The following EXOC2 variants were observed in gnomAD, a reference collection of about 807,000 sequenced individuals.
EXOC2 encodes exocyst complex component 2.
In EXOC2, 70 loss-of-function variants were observed where a neutral mutation model predicts 131.8. The ratio of observed to expected loss-of-function variants is 0.53; its 90% CI spans 0.44 to 0.65. The LOEUF (loss-of-function observed/expected upper bound fraction) is 0.65, where lower values mean the gene tolerates loss of function less well. EXOC2 is among the 30% of genes least tolerant of loss of function. EXOC2 has a pLI of 0.00. For missense variants in EXOC2, 923 were observed against 1,108.6 expected (o/e 0.83, Z 2.38); for synonymous variants, 411 against 398.4 (o/e 1.03, Z -0.38).
chr6:631,443 CAGG>C (rs997488706), intron 3 of EXOC2, among the ~76,000 whole-genome samples: 2 of 151,962 alleles, frequency 1.3e-5, no homozygotes, highest in Admixed American at 1.3e-4. Context: ...GAGGCTGAGG[CAGG>C]AGAATTGCTT....
At chr6:583,396 T>C (rs1759022549) in intron 11 of EXOC2, among the ~76,000 whole-genome samples, 1 of 152,184 alleles carries the variant, frequency 6.6e-6, no homozygotes, top group Admixed American at 6.5e-5. Flanking sequence ...CAATCACAAA[T>C]TGACAAGGTC....
At chr6:659,429 T>C (rs1434976057) in intron 1 of EXOC2, among the ~76,000 whole-genome samples, 6 of 152,152 alleles carry the variant, frequency 3.9e-5, no homozygotes, top group African/African-American at 1.4e-4. Context: ...AAGGCTCGCA[T>C]TGTGAATTTT....
At chr6:584,018 A>C (rs1037397393) in intron 11 of EXOC2, among the ~76,000 whole-genome samples, 2 of 152,246 alleles carry the variant, frequency 1.3e-5, no homozygotes, top group African/African-American at 4.8e-5. Flanking sequence ...AAATCTCTAG[A>C]AAATTAACTC....
chr6:559,423 TA>T (rs1757585750), intron 17 of EXOC2, among the ~76,000 whole-genome samples: 1 of 152,188 alleles, frequency 6.6e-6, no homozygotes, highest in Non-Finnish European at 1.5e-5. Context: ...GCGGAATAGC[TA>T]AAAAACTGAC....
At chr6:612,195 C>G (rs568081116) in intron 6 of EXOC2, among the ~76,000 whole-genome samples, 2 of 152,332 alleles carry the variant, frequency 1.3e-5, no homozygotes, top group Admixed American at 6.5e-5. Flanking sequence ...AAGAACCAAA[C>G]AGTCAACACT....
intron 20 of EXOC2, 61 bp from the exon 21 acceptor site, chr6:553,981 G>A: frequency 7.9e-7 from 1 of 1,270,054 alleles, no homozygotes; most frequent in East Asian, 2.3e-5. Flanking sequence ...AAAATGCAAT[G>A]AACTATACGC....
At chr6:617,962 C>T (rs539404943) in intron 5 of EXOC2, 127 bp from the exon 6 acceptor site, 29 of 1,094,082 alleles carry the variant, frequency 2.7e-5, no homozygotes, top group South Asian at 2.4e-4. Context: ...TAATATCATA[C>T]GAAGCCAGAT....
At chr6:687,753 G>A (rs2039713) in intron 1 of EXOC2, among the ~76,000 whole-genome samples, 34 of 152,178 alleles carry the variant, frequency 2.2e-4, no homozygotes, top group African/African-American at 8.0e-4. Context: ...TGGCCTTCAG[G>A]AGAGTGATCG....
intron 22 of EXOC2, among the ~76,000 whole-genome samples, chr6:544,445 A>G (rs2982491): frequency 0.19 from 29,351 of 152,186 alleles, 3,834 homozygotes; most frequent in African/African-American, 0.37. Context: ...GCAGAAACAC[A>G]TCTGATCAAC....
chr6:567,263 C>T (rs1758015899), intron 13 of EXOC2, among the ~76,000 whole-genome samples: 1 of 152,186 alleles, frequency 6.6e-6, no homozygotes, highest in South Asian at 2.1e-4. Context: ...ATAAGCTGAG[C>T]TGCCCTCCTG....
Position 664,588 on chromosome 6 carries a change from G to C in EXOC2, c.-43-26727C>G, listed in dbSNP as rs549406035. Among the ~76,000 whole-genome samples the C allele has an allele frequency of 5.9e-5, 9 of 151,620 alleles. No individual in the cohort carries two copies. The South Asian group carries it at 8.3e-4, about 14-fold the overall frequency. ...ACAGTGTGGTACTGGTATAAAAACA[G>C]ACACACAGACCAGTGGAAAAGAATA... On this transcript the variant is annotated intron_variant, in intron 1 of 27. Transcript: ENST00000230449.
intron 1 of EXOC2, among the ~76,000 whole-genome samples, chr6:652,681 G>C (rs1456415854): frequency 6.6e-6 from 1 of 152,058 alleles, no homozygotes; most frequent in Non-Finnish European, 1.5e-5. Flanking sequence ...TCTAAGTAAA[G>C]TACTGGAATA....
chr6:522,108 G>A (rs573803196), intron 23 of EXOC2, among the ~76,000 whole-genome samples: 9 of 152,296 alleles, frequency 5.9e-5, no homozygotes, highest in Admixed American at 1.3e-4. Flanking sequence ...TCCAAGCCAG[G>A]TGCCTGGCTA....
intron 22 of EXOC2, among the ~76,000 whole-genome samples, chr6:540,011 C>G (rs1285580400): frequency 2.6e-5 from 4 of 152,196 alleles, no homozygotes; most frequent in Non-Finnish European, 5.9e-5. Context: ...AAAAAGAAAA[C>G]TACAGATGAA....
intron 3 of EXOC2, 140 bp downstream of exon 3, chr6:632,801 T>A: frequency 2.3e-6 from 2 of 853,430 alleles, no homozygotes; most frequent in African/African-American, 1.7e-5. Context: ...AACATCCCAA[T>A]CCTGTCAAAA....
intron 23 of EXOC2, among the ~76,000 whole-genome samples, chr6:514,953 T>C (rs1765061825): frequency 6.6e-6 from 1 of 152,218 alleles, no homozygotes; most frequent in South Asian, 2.1e-4. Flanking sequence ...GCAAACAGCT[T>C]AAAAGAAAAC....
chr6:640,887 GAA>G (rs35336519), intron 1 of EXOC2, among the ~76,000 whole-genome samples: 10 of 150,078 alleles, frequency 6.7e-5, no homozygotes, highest in East Asian at 3.9e-4. Context: ...AGCAGGTACA[GAA>G]AAAAAAAAAC....
At chr6:628,356 C>T (rs1267078823) in intron 4 of EXOC2, among the ~76,000 whole-genome samples, 3 of 152,196 alleles carry the variant, frequency 2.0e-5, no homozygotes, top group Non-Finnish European at 4.4e-5. Context: ...CCAATCTCAT[C>T]AAATAATTAA....
At chr6:619,587 G>C (rs1301221916) in intron 4 of EXOC2, 44 bp from the exon 5 acceptor site, 2 of 1,354,382 alleles carry the variant, frequency 1.5e-6, no homozygotes, top group East Asian at 2.3e-5. Context: ...TGGTTATTAT[G>C]ACAAAAATGG....
Sources: gnomAD v4.1 joint callset for allele counts (sites outside exome capture counted in the v4.1 genomes callset) on GRCh38, gnomAD v4.1.1 for gene constraint, MANE v1.5 for transcripts, NCBI Gene and HGNC (gene_info 2026-07-23, HGNC 2026-07-21) for gene names.